The following FAIM2 variants were observed in gnomAD, a reference collection of about 807,000 sequenced individuals.
FAIM2 encodes the protein Fas apoptotic inhibitory molecule 2.
Under a neutral mutation model 47.4 loss-of-function variants are expected in FAIM2, and 27 were observed. The observed-to-expected ratio is 0.57, with a 90% confidence interval of 0.42 to 0.78. The LOEUF (loss-of-function observed/expected upper bound fraction) is 0.78, where lower values mean the gene tolerates loss of function less well. Among genes scored for constraint, FAIM2 ranks in the 30% least tolerant of loss-of-function variants. FAIM2 has a pLI of 0.00. For synonymous variants in FAIM2, 156 were observed against 159.3 expected, an observed-to-expected ratio of 0.98 and a Z score of 0.16; for missense variants, 311 against 389.4, an observed-to-expected ratio of 0.80 and a Z score of 1.69.
chr12:49,878,354 A>G (rs145630848), intron 11 of FAIM2, among the ~76,000 whole-genome samples: 1,745 of 126,158 alleles, frequency 0.014, 238 homozygotes, highest in Non-Finnish European at 0.021. Context: ...ATGTGTGTGC[A>G]TGTGTGTATA....
At chr12:49,885,306 C>G (rs1261030298) in intron 11 of FAIM2, among the ~76,000 whole-genome samples, 1 of 152,210 alleles carries the variant, frequency 6.6e-6, no homozygotes, top group Non-Finnish European at 1.5e-5. Context: ...CGGCCGGCCC[C>G]CCATGGGTGC....
chr12:49,870,469 CA>C lies in FAIM2; in HGVS notation c.*34del, dbSNP rs1453367996. Reference sequence around the variant, plus strand: ...GAGGGACAGGGAACCAGGAGGGGCGCATTCTCTGGAGGACGGTGGGGCAGGG... The same window carrying C: ...GAGGGACAGGGAACCAGGAGGGGCGCTTCTCTGGAGGACGGTGGGGCAGGG... On this transcript the variant is annotated 3_prime_UTR_variant, in exon 12 of 12. Transcript: ENST00000320634. 2 of 1,600,744 alleles carry C rather than the reference CA, an allele frequency of 1.2e-6. No homozygotes were observed. Among genetic ancestry groups the C allele is most frequent in the African/African-American group, 2.7e-5 (2 of 74,548 alleles).
At chr12:49,877,801 TGA>T (rs1440539146) in intron 11 of FAIM2, among the ~76,000 whole-genome samples, 19 of 152,054 alleles carry the variant, frequency 1.2e-4, no homozygotes, top group East Asian at 5.8e-4. Context: ...TATATGTGTG[TGA>T]GTGTGCGTAT....
intron 11 of FAIM2, among the ~76,000 whole-genome samples, chr12:49,871,749 C>T (rs1417283726): frequency 1.3e-5 from 2 of 151,672 alleles, no homozygotes; most frequent in African/African-American, 4.9e-5. Flanking sequence ...TCACTGCAAC[C>T]TCCACCTCCC....
intron 11 of FAIM2, among the ~76,000 whole-genome samples, chr12:49,885,458 C>T (rs763635132): frequency 2.0e-4 from 31 of 152,310 alleles, no homozygotes; most frequent in Non-Finnish European, 4.1e-4. Context: ...TCTCCTAGTC[C>T]GATTCCCCAC....
chr12:49,880,708 G>A (rs1946816334), intron 11 of FAIM2, among the ~76,000 whole-genome samples: 1 of 134,388 alleles, frequency 7.4e-6, no homozygotes, highest in Non-Finnish European at 1.6e-5. Context: ...GAGTCCATGT[G>A]TGTACATGCG....
In FAIM2 at chr12:49,870,112, CAT is replaced by C. The variant is rs1946691406; in HGVS notation, c.*390_*391del. On this transcript the variant is annotated 3_prime_UTR_variant, in exon 12 of 12. Coordinates refer to ENST00000320634, the MANE Select transcript of FAIM2 (RefSeq NM_012306.4). ...TGCAGGACAGTGTGCCCTAAGGCCA[CAT>C]GATTGTGCAGCCCTAGGAGGAATTG... 1.1e-5 allele frequency: 2 copies of C among 184,644 alleles called. No homozygotes were observed. Among genetic ancestry groups the C allele is most frequent in the Admixed American group, 1.1e-4 (2 of 17,820 alleles). The allele number at this position is 184,644 out of a possible 1,614,324, so 11.4% of individuals were successfully genotyped here. A position where few individuals can be genotyped will look rare whatever the true frequency, so the allele number is the denominator to read the frequency against.
chr12:49,877,172 C>G (rs1194485969), intron 11 of FAIM2, among the ~76,000 whole-genome samples: 1 of 152,212 alleles, frequency 6.6e-6, no homozygotes, highest in Non-Finnish European at 1.5e-5. Flanking sequence ...CCCTCAGTCC[C>G]CCACCCCAGG....
chr12:49,872,294 CTGAGGCTTAAGT>C lies in FAIM2; in HGVS notation c.802-1653_802-1642del, dbSNP rs555366628. 4.0e-3 allele frequency among the ~76,000 whole-genome samples: 613 copies of C among 152,308 alleles called. 1 individual carries two copies. The highest frequency in any genetic ancestry group is 0.02 in the Middle Eastern group (6 of 294). ...TGACCCAGGAGAGGTGGCATTTCAC[CTGAGGCTTAAGT>C]AGGAGTTTGCTAGCTGGGAAGGCCT... is the stretch of plus-strand genomic sequence containing the variant. On this transcript the variant is annotated intron_variant, in intron 11 of 11. Transcript: ENST00000320634.
chr12:49,895,855 T>C (rs1228473097), intron 5 of FAIM2, among the ~76,000 whole-genome samples: 1 of 152,204 alleles, frequency 6.6e-6, no homozygotes, highest in East Asian at 1.9e-4. Flanking sequence ...GTAAGCTCCT[T>C]GGCCAGGCAG....
chr12:49,898,003 C>T lies in FAIM2; in HGVS notation c.299G>A (p.Arg100Gln), dbSNP rs1006739730. 2.4e-5 allele frequency: 38 copies of T among 1,613,634 alleles called. No individual in the cohort carries two copies. The highest frequency in any genetic ancestry group is 8.3e-5 in the Admixed American group (5 of 59,996). The change falls in exon 3 of 12, where the codon CGA becomes CAA. Residue 100 changes from arginine to glutamine, a missense_variant. Transcript: ENST00000320634. Reference sequence around the variant, plus strand: ...GGGCATTACCTTTCTGACAAAGACTCGACGAACTTTCTGGTCATCCCAGCT... The same window carrying T: ...GGGCATTACCTTTCTGACAAAGACTTGACGAACTTTCTGGTCATCCCAGCT... ...TFSWDDQKVR[R>Q]VFVRKVYTIL...
chr12:49,884,879 CAGG>C (rs1323212024), intron 11 of FAIM2, among the ~76,000 whole-genome samples: 1 of 152,172 alleles, frequency 6.6e-6, no homozygotes, highest in Non-Finnish European at 1.5e-5. Flanking sequence ...GAGACTGAGG[CAGG>C]AGAATGGCGT....
intron 11 of FAIM2, among the ~76,000 whole-genome samples, chr12:49,876,548 T>G (rs836963): frequency 0.78 from 118,239 of 151,784 alleles, 46,765 homozygotes; most frequent in African/African-American, 0.91. Flanking sequence ...CGGATCACCA[T>G]GTCAGGAGAT....
At chr12:49,879,842 G>T (rs548383127) in intron 11 of FAIM2, among the ~76,000 whole-genome samples, 19 of 151,376 alleles carry the variant, frequency 1.3e-4, no homozygotes, top group African/African-American at 4.4e-4. Context: ...GTGCATGTGT[G>T]AGTGTATGTA....
intron 11 of FAIM2, 52 bp from the exon 12 acceptor site, chr12:49,870,705 C>T: frequency 6.3e-7 from 1 of 1,592,090 alleles, no homozygotes; most frequent in Non-Finnish European, 8.6e-7. Context: ...GGCAGTGTGA[C>T]ACTGACTATG....
chr12:49,895,482 A>G (rs59654761), intron 5 of FAIM2, among the ~76,000 whole-genome samples: 1,632 of 152,288 alleles, frequency 0.011, 30 homozygotes, highest in African/African-American at 0.038. Flanking sequence ...CCAAGTTCTC[A>G]GGAGCTCAAA....
At chr12:49,876,122 G>A (rs1300242403) in intron 11 of FAIM2, among the ~76,000 whole-genome samples, 1 of 152,216 alleles carries the variant, frequency 6.6e-6, no homozygotes, top group African/African-American at 2.4e-5. Flanking sequence ...ATAGGCTGGG[G>A]AGTCACACAG....
intron 11 of FAIM2, among the ~76,000 whole-genome samples, chr12:49,872,124 A>C (rs529048841): frequency 6.6e-6 from 1 of 152,352 alleles, no homozygotes; most frequent in South Asian, 2.1e-4. Flanking sequence ...TGCTAAGAGC[A>C]AAAGAGACGA....
chr12:49,894,243 C>T (rs1252612803), intron 5 of FAIM2, among the ~76,000 whole-genome samples: 1 of 152,204 alleles, frequency 6.6e-6, no homozygotes, highest in Non-Finnish European at 1.5e-5. Flanking sequence ...AGGGGTGGGA[C>T]TCCCCACTAG....
Sources: allele counts gnomAD v4.1 joint callset (sites outside exome capture counted in the v4.1 genomes callset), GRCh38; gene constraint gnomAD v4.1.1; transcripts MANE v1.5; gene names NCBI Gene and HGNC (gene_info 2026-07-23, HGNC 2026-07-21).